SLC26A9: variants seen among roughly 807,000 people sequenced by gnomAD.
SLC26A9 encodes the protein solute carrier family 26 member 9.
Under a neutral mutation model 87.1 loss-of-function variants are expected in SLC26A9, and 46 were observed. That is an observed-to-expected ratio of 0.53 (90% confidence interval 0.42 to 0.67). SLC26A9 has a LOEUF of 0.67. Ranked by LOEUF, SLC26A9 falls within the 30% of genes least tolerant of loss-of-function variation. The pLI is 0.00. For missense variants in SLC26A9, 927 were observed against 1,018.3 expected, an observed-to-expected ratio of 0.91 and a Z score of 1.22; for synonymous variants, 437 against 409.1, an observed-to-expected ratio of 1.07 and a Z score of -0.82.
chr1:205,915,163 C>G lies in SLC26A9; in HGVS notation c.*194G>C, dbSNP rs766846418. The G allele has an allele frequency of 3.7e-6, 6 of 1,612,564 alleles. No homozygotes were observed. Among genetic ancestry groups the G allele is most frequent in the East Asian group, 4.5e-5 (2 of 44,864 alleles). ...CTCACTCCTGTAAGGGTAGCACCCC[C>G]CTGCTGCTGAGAGGCTCTCTCTGGA... On this transcript the variant is annotated 3_prime_UTR_variant, in exon 21 of 21. Transcript: ENST00000367135.
rs866313939 is a variant in SLC26A9 at position 205,929,251 on chromosome 1, G to A, written c.823C>T (p.Arg275Cys). 1.9e-5 allele frequency: 31 copies of A among 1,614,196 alleles called. No individual in the cohort carries two copies. The highest frequency in any genetic ancestry group is 1.6e-4 in the Middle Eastern group (1 of 6,062). ...GGGAAGCGAATCTTGTGCATGTAGC[G>A]AGCATTGAGCTCCTTCACCAGCACC... is the stretch of plus-strand genomic sequence containing the variant. ...FLVLVKELNA[R>C]YMHKIRFPIP... The change falls in exon 7 of 21, where the codon CGC becomes TGC. Residue 275 changes from arginine to cysteine, a missense_variant. Transcript: ENST00000367135.
In SLC26A9 at chr1:205,923,179, T is replaced by A; in HGVS notation, c.1676A>T (p.Gln559Leu). The A allele has an allele frequency of 6.2e-7, 1 of 1,614,164 alleles. No homozygotes were observed. Residue 559 changes from glutamine to leucine, a missense_variant, in exon 16 of 21, where the codon CAG becomes CTG. Transcript: ENST00000367135. ...TTTTTGCTTGGCTAGTAATACTTTCTGGGGGTCCATGCCTGTCTGCAGGGA... is the reference window on the plus strand; with the variant it reads ...TTTTTGCTTGGCTAGTAATACTTTCAGGGGGTCCATGCCTGTCTGCAGGGA... ...KVIAKTGMDPQKVLLAKQKYL... is the reference protein window; with the variant it reads ...KVIAKTGMDPLKVLLAKQKYL...
intron 19 of SLC26A9, among the ~76,000 whole-genome samples, chr1:205,917,779 G>C (rs1658656721): frequency 6.6e-6 from 1 of 152,008 alleles, no homozygotes; most frequent in Non-Finnish European, 1.5e-5. Flanking sequence ...TCTGTGAATG[G>C]TCTATAATAT....
At chr1:205,936,038 T>C (rs1659496555) in intron 1 of SLC26A9, among the ~76,000 whole-genome samples, 200 bp from the exon 2 acceptor site, 1 of 152,236 alleles carries the variant, frequency 6.6e-6, no homozygotes, top group South Asian at 2.1e-4. Flanking sequence ...CAGGCACTGA[T>C]GATGCATAGA....
rs555380969 is a variant in SLC26A9 at position 205,914,754 on chromosome 1, A to T, written c.*603T>A. On this transcript the variant is annotated 3_prime_UTR_variant, in exon 21 of 21. Coordinates refer to ENST00000367135, the MANE Select transcript of SLC26A9 (RefSeq NM_052934.4). ...AGTGGTGGTTTGGGCAGCCTTGGGG[A>T]TGATGGAGGGGGGGCGCATAGTTAC... 3.9e-4 allele frequency: 427 copies of T among 1,083,480 alleles called. 1 individual carries two copies. Among genetic ancestry groups the T allele is most frequent in the African/African-American group, 2.2e-3 (138 of 63,314 alleles). 67.1% of individuals were successfully genotyped at this position (1,083,480 alleles called of 1,614,324 possible).
intron 2 of SLC26A9, among the ~76,000 whole-genome samples, chr1:205,933,590 G>A (rs1466491032): frequency 2.0e-5 from 3 of 152,176 alleles, no homozygotes; most frequent in East Asian, 3.8e-4. Context: ...TGTACACCTC[G>A]AGCCTTGCAC....
chr1:205,942,898 G>A (rs1204641127), intron 1 of SLC26A9, among the ~76,000 whole-genome samples: 4 of 152,234 alleles, frequency 2.6e-5, no homozygotes. Flanking sequence ...CATGAGTGAA[G>A]GAGGATGTCT....
intron 20 of SLC26A9, among the ~76,000 whole-genome samples, chr1:205,915,810 C>T (rs536459782): frequency 6.6e-6 from 1 of 152,172 alleles, no homozygotes; most frequent in Non-Finnish European, 1.5e-5. Context: ...CTGGAGATTC[C>T]AAGAGGGCAC....
At chr1:205,934,074 T>C (rs1571754414) in intron 2 of SLC26A9, among the ~76,000 whole-genome samples, 1 of 152,180 alleles carries the variant, frequency 6.6e-6, no homozygotes, top group East Asian at 1.9e-4. Flanking sequence ...CAGCACCAAT[T>C]CCTGCTCTTT....
intron 7 of SLC26A9, 124 bp from the exon 8 acceptor site, chr1:205,929,033 T>C: frequency 2.8e-6 from 4 of 1,449,106 alleles, no homozygotes; most frequent in Admixed American, 1.8e-5. Context: ...TAGGGGGAAT[T>C]ATTAGAGCAG....
chr1:205,924,367 G>A lies in SLC26A9; in HGVS notation c.1496+16C>T, dbSNP rs199876254. On this transcript the variant is annotated intron_variant, in intron 13 of 20. Transcript: ENST00000367135. ...GAACCGACTGTGGGCCTAGGAGGGC[G>A]GAAGCTATCACTTACAACTGAGTCT... 2.0e-4 allele frequency: 318 copies of A among 1,612,614 alleles called. No individual in the cohort carries two copies. The highest frequency in any genetic ancestry group is 3.3e-4 in the Middle Eastern group (2 of 6,018).
intron 17 of SLC26A9, 79 bp from the exon 18 acceptor site, chr1:205,920,309 C>T: frequency 6.4e-7 from 1 of 1,572,670 alleles, no homozygotes; most frequent in African/African-American, 1.3e-5. Context: ...ACAAAACGTA[C>T]TTCAGAGGGG....
At chr1:205,940,402 G>A (rs1417695532) in intron 1 of SLC26A9, among the ~76,000 whole-genome samples, 2 of 149,000 alleles carry the variant, frequency 1.3e-5, no homozygotes, top group Non-Finnish European at 3.0e-5. Context: ...AATATTGTAG[G>A]CAGAGATGGG....
In SLC26A9 at chr1:205,915,534, GT is replaced by G; in HGVS notation, c.2329-131del. The G allele has an allele frequency of 2.5e-6, 3 of 1,205,086 alleles. No homozygotes were observed. The South Asian group carries it at 4.2e-5, about 17-fold the overall frequency. 74.6% of individuals were successfully genotyped at this position (1,205,086 alleles called of 1,614,324 possible). ...ACAAAGCACCTGTGTGTGTGTGTGTGTGTGTGTGTGTGTGCGAGAGTGTGTG... is the reference window on the plus strand; with the variant it reads ...ACAAAGCACCTGTGTGTGTGTGTGTGGTGTGTGTGTGTGCGAGAGTGTGTG... On this transcript the variant is annotated intron_variant, in intron 20 of 20. Transcript: ENST00000367135.
chr1:205,930,083 G>T, intron 5 of SLC26A9, 27 bp from the exon 6 acceptor site: 1 of 1,576,480 alleles, frequency 6.3e-7, no homozygotes, highest in Non-Finnish European at 8.7e-7. Context: ...GGTGGTTGGT[G>T]GCGGAAGACC....
At chr1:205,929,392 C>T (rs747007742) in intron 6 of SLC26A9, 36 bp from the exon 7 acceptor site, 1 of 1,605,382 alleles carries the variant, frequency 6.2e-7, no homozygotes, top group South Asian at 1.1e-5. Context: ...AGGCTCCCAC[C>T]CCTTCTTCCC....
Position 205,915,126 on chromosome 1 carries a change from G to A in SLC26A9, c.*231C>T, listed in dbSNP as rs752319817. Reference sequence around the variant, plus strand: ...CCAGGGCCTGACGGGTGAAGAGTGGGCTCACCAGACTCTCACTCCTGTAAG... The same window carrying A: ...CCAGGGCCTGACGGGTGAAGAGTGGACTCACCAGACTCTCACTCCTGTAAG... On this transcript the variant is annotated 3_prime_UTR_variant, in exon 21 of 21. Transcript: ENST00000367135. 3 of 1,613,776 alleles carry A rather than the reference G, an allele frequency of 1.9e-6. No individual in the cohort carries two copies. Among genetic ancestry groups the A allele is most frequent in the Admixed American group, 3.3e-5 (2 of 59,998 alleles).
chr1:205,926,528 T>C lies in SLC26A9; in HGVS notation c.1389+7A>G. 1.2e-6 allele frequency: 2 copies of C among 1,613,582 alleles called. No individual in the cohort carries two copies. The highest frequency in any genetic ancestry group is 1.7e-6 in the Non-Finnish European group (2 of 1,179,466). ...TGGCCAGTACCCAGAGGCTGCCCGA[T>C]ACTTACACAGTCCAGCTTGCTCTTC... On this transcript the variant is annotated splice_region_variant and intron_variant, in intron 12 of 20. Coordinates refer to ENST00000367135, the MANE Select transcript of SLC26A9 (RefSeq NM_052934.4).
At chr1:205,924,943 C>T (rs781532712) in intron 12 of SLC26A9, among the ~76,000 whole-genome samples, 5 of 151,096 alleles carry the variant, frequency 3.3e-5, no homozygotes, top group Admixed American at 6.6e-5. Flanking sequence ...ACTATAGGCA[C>T]GTGCCACCAC....
Sources: allele counts gnomAD v4.1 joint callset (sites outside exome capture counted in the v4.1 genomes callset), GRCh38; gene constraint gnomAD v4.1.1; transcripts MANE v1.5; gene names NCBI Gene and HGNC (gene_info 2026-07-23, HGNC 2026-07-21).